Variants in GALNT13 observed in about 807,000 individuals in gnomAD.
GALNT13 encodes UDP-GalNAc:polypeptide N-acetylgalactosaminyltransferase 13.
In GALNT13, 28 loss-of-function variants were observed where a neutral mutation model predicts 64.2. That is an observed-to-expected ratio of 0.44 (90% CI 0.32 to 0.60). The LOEUF (loss-of-function observed/expected upper bound fraction) is 0.60. Ranked by LOEUF, GALNT13 falls within the 20% of genes least tolerant of loss-of-function variation. The pLI, the probability that GALNT13 is intolerant of heterozygous loss-of-function variation, is 0.05. For synonymous variants in GALNT13, 214 were observed against 224.6 expected (o/e 0.95, Z 0.42); for missense variants, 577 against 669.8 (o/e 0.86, Z 1.53).
intron 3 of GALNT13, among the ~76,000 whole-genome samples, chr2:154,053,963 C>T (rs1699774771): frequency 6.6e-6 from 1 of 152,082 alleles, no homozygotes; most frequent in African/African-American, 2.4e-5. Context: ...AAATAAACAC[C>T]TGGTTCTTGA....
At chr2:153,789,860 C>T in the GALNT13 span, among the ~76,000 whole-genome samples, 2 of 152,084 alleles carry the variant, frequency 1.3e-5, no homozygotes, top group African/African-American at 4.8e-5. Flanking sequence ...TGGACACATA[C>T]ACCCTCCTGA....
At chr2:153,941,381 A>T (rs1691328269) in intron 2 of GALNT13, among the ~76,000 whole-genome samples, 1 of 152,206 alleles carries the variant, frequency 6.6e-6, no homozygotes, top group Non-Finnish European at 1.5e-5. Context: ...TGCTGATACC[A>T]TTACTTAATG....
At chr2:153,534,185 C>T in the GALNT13 span, among the ~76,000 whole-genome samples, 2 of 152,140 alleles carry the variant, frequency 1.3e-5, no homozygotes, top group Non-Finnish European at 2.9e-5. Flanking sequence ...AGTTCTGATG[C>T]TTGCTCTCTT....
At chr2:154,054,560 A>G (rs1257854871) in intron 3 of GALNT13, among the ~76,000 whole-genome samples, 1 of 152,004 alleles carries the variant, frequency 6.6e-6, no homozygotes, top group African/African-American at 2.4e-5. Flanking sequence ...TCATTTTAAA[A>G]AAATTAAGGT....
chr2:153,697,436 C>A, the GALNT13 span, among the ~76,000 whole-genome samples: 6 of 152,240 alleles, frequency 3.9e-5, no homozygotes, highest in African/African-American at 1.4e-4. Flanking sequence ...TATAACTAGT[C>A]ACATGGCCCC....
intron 11 of GALNT13, among the ~76,000 whole-genome samples, chr2:154,422,576 C>T (rs542759914): frequency 6.6e-6 from 1 of 152,194 alleles, no homozygotes; most frequent in Non-Finnish European, 1.5e-5. Flanking sequence ...CATACTTCTA[C>T]TCCAGCTCTC....
chr2:154,138,734 A>G (rs534475115), intron 3 of GALNT13, among the ~76,000 whole-genome samples: 1 of 152,194 alleles, frequency 6.6e-6, no homozygotes, highest in Non-Finnish European at 1.5e-5. Context: ...AATCTTACAA[A>G]TGAAAGATAC....
intron 8 of GALNT13, among the ~76,000 whole-genome samples, chr2:154,281,629 T>C: frequency 6.6e-6 from 1 of 152,172 alleles, no homozygotes; most frequent in East Asian, 1.9e-4. Flanking sequence ...AATGGGTTTC[T>C]GGTTTTGAGA....
intron 9 of GALNT13, among the ~76,000 whole-genome samples, chr2:154,391,636 A>T (rs1698797373): frequency 6.6e-6 from 1 of 152,198 alleles, no homozygotes; most frequent in Non-Finnish European, 1.5e-5. Context: ...AACAACAGCT[A>T]TCCAATGCAA....
the GALNT13 span, among the ~76,000 whole-genome samples, chr2:153,248,536 C>G: frequency 7.3e-5 from 11 of 151,168 alleles, no homozygotes; most frequent in Non-Finnish European, 3.0e-5. Context: ...AACCCTCGGC[C>G]GGGCGTGGTG....
the GALNT13 span, among the ~76,000 whole-genome samples, chr2:153,199,091 A>C: frequency 1.3e-5 from 2 of 152,212 alleles, no homozygotes; most frequent in South Asian, 4.1e-4. Context: ...CAGAAGCCCA[A>C]AAATGTGAGA....
chr2:154,014,023 C>T (rs1696826860), intron 3 of GALNT13, among the ~76,000 whole-genome samples: 1 of 152,166 alleles, frequency 6.6e-6, no homozygotes, highest in South Asian at 2.1e-4. Context: ...AGTGATCAGG[C>T]TGGGGCTCCA....
At chr2:153,212,229 C>G in the GALNT13 span, among the ~76,000 whole-genome samples, 1 of 152,014 alleles carries the variant, frequency 6.6e-6, no homozygotes, top group Non-Finnish European at 1.5e-5. Flanking sequence ...GTAGAATTTA[C>G]AAATAAGCTA....
At chr2:153,277,592 G>T in the GALNT13 span, among the ~76,000 whole-genome samples, 14 of 152,222 alleles carry the variant, frequency 9.2e-5, 1 homozygote, top group Admixed American at 3.3e-4. Flanking sequence ...TGGGTCAAAT[G>T]GTCGTTCTGT....
At chr2:153,665,610 G>A in the GALNT13 span, among the ~76,000 whole-genome samples, 3 of 152,150 alleles carry the variant, frequency 2.0e-5, no homozygotes, top group African/African-American at 7.2e-5. Flanking sequence ...ATCATTTAAA[G>A]ATAAAAAGGG....
intron 10 of GALNT13, 27 bp downstream of exon 10, chr2:154,396,157 T>C: frequency 6.7e-7 from 1 of 1,498,194 alleles, no homozygotes. Flanking sequence ...TTGGTTAAGT[T>C]ATAAATATAT....
At chr2:153,227,015 G>T in the GALNT13 span, among the ~76,000 whole-genome samples, 3 of 152,156 alleles carry the variant, frequency 2.0e-5, no homozygotes, top group African/African-American at 7.2e-5. Flanking sequence ...TCTTGAAGGA[G>T]AGAGTGGGGC....
At chr2:154,447,036 T>C (rs937641899) in intron 12 of GALNT13, among the ~76,000 whole-genome samples, 1 of 151,774 alleles carries the variant, frequency 6.6e-6, no homozygotes, top group Non-Finnish European at 1.5e-5. Flanking sequence ...TGATGAACGA[T>C]ATTATGAAAT....
chr2:153,870,664 C>A (rs1420093015), upstream of GALNT13, among the ~76,000 whole-genome samples: 3 of 151,384 alleles, frequency 2.0e-5, no homozygotes, highest in Non-Finnish European at 4.4e-5. Context: ...TGATACTTGA[C>A]TCACGAAAAG....
Sources: gnomAD v4.1 joint callset for allele counts (sites outside exome capture counted in the v4.1 genomes callset) on GRCh38, gnomAD v4.1.1 for gene constraint, MANE v1.5 for transcripts, NCBI Gene and HGNC (gene_info 2026-07-23, HGNC 2026-07-21) for gene names.